The following SGO2 variants were observed in gnomAD, a reference collection of about 807,000 sequenced individuals.
The protein encoded by SGO2 is shugoshin 2.
In SGO2, 68 loss-of-function variants were observed where a neutral mutation model predicts 99.5. The observed-to-expected ratio is 0.68, with a 90% CI of 0.56 to 0.84. The LOEUF (loss-of-function observed/expected upper bound fraction) is 0.84. SGO2 is among the 40% of genes least tolerant of loss of function. The pLI, the probability that SGO2 is intolerant of heterozygous loss-of-function variation, is 0.00. For missense variants in SGO2, 1,350 were observed against 1,436.7 expected, an observed-to-expected ratio of 0.94 and a Z score of 0.97; for synonymous variants, 457 against 487.1, an observed-to-expected ratio of 0.94 and a Z score of 0.81.
At chr2:200,543,894 A>C (rs1474740533) in intron 5 of SGO2, among the ~76,000 whole-genome samples, 1 of 152,258 alleles carries the variant, frequency 6.6e-6, no homozygotes, top group East Asian at 1.9e-4. Context: ...ATACATATTC[A>C]AACATGGTGG....
In SGO2 at chr2:200,569,842, G is replaced by A. The variant is rs1311584976; in HGVS notation, c.653G>A (p.Gly218Asp). The A allele has an allele frequency of 5.6e-6, 9 of 1,603,064 alleles. No homozygotes were observed. Among genetic ancestry groups the A allele is most frequent in the Non-Finnish European group, 7.7e-6 (9 of 1,170,338 alleles). ...AAAGAAAATAATCAAAATGTATATG[G>A]TTTAGATGATTCAGAACATATTTCT... ...FLKENNQNVY[G>D]LDDSEHISSI... The change falls in exon 6 of 9, where the codon GGT becomes GAT. Residue 218 changes from glycine (G) to aspartate (D), a missense_variant. Transcript: ENST00000357799.
At chr2:200,562,066 T>C (rs1388879411) in intron 5 of SGO2, among the ~76,000 whole-genome samples, 1 of 152,242 alleles carries the variant, frequency 6.6e-6, no homozygotes, top group Non-Finnish European at 1.5e-5. Context: ...TTTAATTAGA[T>C]CCCACTTGTC....
chr2:200,577,863 G>A (rs115278411), intron 8 of SGO2, among the ~76,000 whole-genome samples: 1,688 of 152,208 alleles, frequency 0.011, 37 homozygotes, highest in African/African-American at 0.038. Flanking sequence ...TCATGTCAGT[G>A]TGTTTCATTA....
intron 8 of SGO2, among the ~76,000 whole-genome samples, chr2:200,577,192 C>T (rs969644967): frequency 1.3e-5 from 2 of 152,104 alleles, no homozygotes; most frequent in African/African-American, 4.8e-5. Flanking sequence ...TTTACCAACA[C>T]TTGTTTTTCT....
chr2:200,577,219 G>A (rs185111718), intron 8 of SGO2, among the ~76,000 whole-genome samples: 23 of 151,406 alleles, frequency 1.5e-4, no homozygotes, highest in Admixed American at 1.3e-3. Context: ...GATTCTAGCC[G>A]TCCTAGTGGG....
chr2:200,538,914 T>C (rs2031826855), intron 4 of SGO2, among the ~76,000 whole-genome samples: 1 of 152,144 alleles, frequency 6.6e-6, no homozygotes, highest in African/African-American at 2.4e-5. Context: ...GATTTTTCTA[T>C]TGTTAGTTAT....
intron 5 of SGO2, among the ~76,000 whole-genome samples, chr2:200,561,868 T>G (rs953363964): frequency 1.3e-5 from 2 of 152,230 alleles, no homozygotes; most frequent in East Asian, 1.9e-4. Context: ...TTTTGAGAAG[T>G]GTCTGTTATC....
intron 8 of SGO2, among the ~76,000 whole-genome samples, chr2:200,578,614 C>A (rs2106352941): frequency 6.6e-6 from 1 of 152,290 alleles, no homozygotes; most frequent in South Asian, 2.1e-4. Context: ...TAGCTTCTTG[C>A]CACACGGCCT....
chr2:200,532,851 G>C, intron 1 of SGO2, 123 bp from the exon 2 acceptor site: 1 of 1,012,084 alleles, frequency 9.9e-7, no homozygotes, highest in Non-Finnish European at 1.4e-6. Flanking sequence ...TTTATGTAAA[G>C]TTTAGCAAAT....
intron 5 of SGO2, among the ~76,000 whole-genome samples, chr2:200,568,184 G>T (rs531382139): frequency 2.0e-5 from 3 of 152,174 alleles, no homozygotes; most frequent in African/African-American, 7.2e-5. Flanking sequence ...TTGCATCATG[G>T]TTTTTATTTG....
intron 1 of SGO2, among the ~76,000 whole-genome samples, chr2:200,529,614 C>T (rs565177259): frequency 1.8e-4 from 27 of 152,330 alleles, no homozygotes; most frequent in African/African-American, 6.5e-4. Context: ...GCAGCCTCCA[C>T]CTCCTGGGTT....
intron 1 of SGO2, among the ~76,000 whole-genome samples, chr2:200,529,470 A>G (rs1171251186): frequency 6.6e-6 from 1 of 152,140 alleles, no homozygotes; most frequent in African/African-American, 2.4e-5. Context: ...TTAGATAGTG[A>G]TAGATGTTGA....
rs563940058 is a variant in SGO2 at position 200,583,856 on chromosome 2, G to C, written c.*392G>C. 1 of 153,572 alleles carries C rather than the reference G, an allele frequency of 6.5e-6. No homozygotes were observed. The highest frequency in any genetic ancestry group is 1.4e-5 in the Non-Finnish European group (1 of 69,036). 9.5% of individuals were successfully genotyped at this position (153,572 alleles called of 1,614,324 possible). A position where few individuals can be genotyped will look rare whatever the true frequency, so the allele number is the denominator to read the frequency against. Reference sequence around the variant, plus strand: ...GTTTTTAACCCATTCAATATATGTGGACATCCAAAAGGGTTTAAAAGCCAC... The same window carrying C: ...GTTTTTAACCCATTCAATATATGTGCACATCCAAAAGGGTTTAAAAGCCAC... On this transcript the variant is annotated 3_prime_UTR_variant, in exon 9 of 9. Coordinates refer to ENST00000357799, the MANE Select transcript of SGO2 (RefSeq NM_152524.6).
In SGO2 at chr2:200,573,005, A is replaced by G. The variant is rs1243278420; in HGVS notation, c.2659A>G (p.Lys887Glu). Residue 887 changes from lysine (K) to glutamate (E), a missense_variant, in exon 7 of 9, where the codon AAA (lysine) becomes GAA (glutamate). Lys to Glu is a moderately conservative substitution (Grantham distance 56). Transcript: ENST00000357799. ...TGACACCCAGAATATATTGGAGTTG[A>G]AAAAGTATGTTACTGATAGGAAATC... The part of the protein sequence containing the change: ...DYDTQNILEL[K>E]KYVTDRKSAE... The G allele has an allele frequency of 6.3e-7, 1 of 1,575,978 alleles. No individual in the cohort carries two copies. The highest frequency in any genetic ancestry group is 1.4e-5 in the African/African-American group (1 of 72,956).
chr2:200,540,068 G>A (rs372277024), intron 4 of SGO2, among the ~76,000 whole-genome samples: 1 of 151,222 alleles, frequency 6.6e-6, no homozygotes, highest in African/African-American at 2.4e-5. Context: ...TCGGCTCTTT[G>A]TATCTATTTG....
At chr2:200,563,534 C>G (rs976718892) in intron 5 of SGO2, among the ~76,000 whole-genome samples, 2 of 152,098 alleles carry the variant, frequency 1.3e-5, no homozygotes, top group African/African-American at 4.8e-5. Flanking sequence ...TTTGTTGTGT[C>G]TCTGCCAGGC....
Position 200,572,253 on chromosome 2 carries a change from A to T in SGO2, c.1907A>T (p.Asp636Val). Residue 636 changes from aspartate (D) to valine (V), a missense_variant, in exon 7 of 9, where the codon GAT (aspartate) becomes GTT (valine). Transcript: ENST00000357799. ...MNHMYEDNDK[D>V]VVHGLKKGNF... ...CACATGTATGAGGATAATGATAAAG[A>T]TGTGGTGCATGGCCTAAAAAAAGGT... The T allele has an allele frequency of 1.2e-6, 2 of 1,612,678 alleles. No homozygotes were observed. Among genetic ancestry groups the T allele is most frequent in the Non-Finnish European group, 1.7e-6 (2 of 1,179,512 alleles).
At chr2:200,537,284 T>C (rs1424324013) in intron 4 of SGO2, among the ~76,000 whole-genome samples, 1 of 152,146 alleles carries the variant, frequency 6.6e-6, no homozygotes, top group Non-Finnish European at 1.5e-5. Flanking sequence ...AAAAATGTTA[T>C]CATCTCTCAT....
At position 200,535,056 on chromosome 2, in the gene SGO2, TTAG is replaced by T. The variant is rs749176534; in HGVS notation, c.198_200del (p.Ser66del). On this transcript the variant is annotated inframe_deletion, in exon 3 of 9. Transcript: ENST00000357799. ...AACAACAGGGCATTAGCTCAGGCTC[TTAG>T]TAGAGAAAAAGAGAATTCTCGAAGA... The T allele has an allele frequency of 1.9e-6, 3 of 1,563,680 alleles. No individual in the cohort carries two copies. The highest frequency in any genetic ancestry group is 2.4e-5 in the East Asian group (1 of 41,948).
Sources: allele counts gnomAD v4.1 joint callset (sites outside exome capture counted in the v4.1 genomes callset), GRCh38; gene constraint gnomAD v4.1.1; transcripts MANE v1.5; gene names NCBI Gene and HGNC (gene_info 2026-07-23, HGNC 2026-07-21).